The following TBC1D12 variants were observed in gnomAD, a reference collection of about 807,000 sequenced individuals.
TBC1D12 encodes the protein TBC1 domain family member 12.
TBC1D12 carries 56 observed loss-of-function variants against 86.7 expected under a neutral mutation model. The ratio of observed to expected loss-of-function variants is 0.65; its 90% confidence interval spans 0.52 to 0.81. The LOEUF (loss-of-function observed/expected upper bound fraction) is 0.81. Ranked by LOEUF, TBC1D12 falls within the 30% of genes least tolerant of loss-of-function variation. TBC1D12 has a pLI of 0.00. For synonymous variants in TBC1D12, 421 were observed against 411.7 expected (o/e 1.02, Z -0.27); for missense variants, 1,023 against 1,038.8 (o/e 0.98, Z 0.21).
chr10:94,525,608 C>T (rs868035760), intron 11 of TBC1D12, among the ~76,000 whole-genome samples: 1 of 138,332 alleles, frequency 7.2e-6, no homozygotes, highest in East Asian at 2.1e-4. Context: ...TGCAGTGAGC[C>T]GGGATCACGC....
At chr10:94,498,126 T>G (rs1030787924) in intron 5 of TBC1D12, among the ~76,000 whole-genome samples, 1 of 152,186 alleles carries the variant, frequency 6.6e-6, no homozygotes, top group African/African-American at 2.4e-5. Flanking sequence ...GCCTAGTTAC[T>G]GTATTTTCTT....
At chr10:94,487,846 G>T (rs2056190327) in intron 3 of TBC1D12, among the ~76,000 whole-genome samples, 1 of 149,934 alleles carries the variant, frequency 6.7e-6, no homozygotes, top group African/African-American at 2.5e-5. Context: ...ACAGGTGCAT[G>T]CCACCATACC....
rs531915902 is a variant in TBC1D12, at chr10:94,534,028, T to C, written c.*932T>C. ...ATTCTTCCACTGTTTAACTCCAGTT[T>C]GAAATTTGAAATCTAATATGTAGCT... On this transcript the variant is annotated 3_prime_UTR_variant, in exon 13 of 13. Transcript: ENST00000225235. 1 of 152,316 alleles carries C rather than the reference T, an allele frequency of 6.6e-6. No homozygotes were observed. The highest frequency in any genetic ancestry group is 1.9e-4 in the East Asian group (1 of 5,180). The allele number at this position is 152,316 out of a possible 1,614,324, so 9.4% of individuals were successfully genotyped here.
chr10:94,412,619 A>G (rs2054941805), intron 1 of TBC1D12, among the ~76,000 whole-genome samples: 1 of 152,220 alleles, frequency 6.6e-6, no homozygotes. Context: ...GTTTAAGTCC[A>G]TGAAATGTTT....
chr10:94,411,458 C>T (rs1403427791), intron 1 of TBC1D12, among the ~76,000 whole-genome samples: 1 of 152,176 alleles, frequency 6.6e-6, no homozygotes, highest in African/African-American at 2.4e-5. Context: ...TATAGTGGCT[C>T]ATGCCTGCAA....
At position 94,533,111 on chromosome 10, in the gene TBC1D12, A is replaced by G. The variant is rs778520687; in HGVS notation, c.*15A>G. ...TGAAAAGCTAGTCTTCAAAATTGACAGACTAACTGACATAGAAAAAGTGGT... is the reference window on the plus strand; with the variant it reads ...TGAAAAGCTAGTCTTCAAAATTGACGGACTAACTGACATAGAAAAAGTGGT... On this transcript the variant is annotated 3_prime_UTR_variant, in exon 13 of 13. Coordinates refer to ENST00000225235, the MANE Select transcript of TBC1D12 (RefSeq NM_015188.2). The G allele has an allele frequency of 3.9e-6, 6 of 1,542,024 alleles. No individual in the cohort carries two copies. In the Middle Eastern group the frequency reaches 8.5e-4, roughly 218 times the overall value.
intron 2 of TBC1D12, among the ~76,000 whole-genome samples, chr10:94,470,690 C>CTTTTTT (rs35586245): frequency 9.4e-6 from 1 of 105,822 alleles, no homozygotes; most frequent in African/African-American, 3.4e-5. Flanking sequence ...ATTTGTAATT[C>CTTTTTT]TTTTTTTTTT....
rs139919841 is a variant in TBC1D12, at chr10:94,519,679, A to G, written c.1762-2276A>G. 3.0e-3 allele frequency among the ~76,000 whole-genome samples: 457 copies of G among 152,286 alleles called. 3 individuals carry two copies. The highest frequency in any genetic ancestry group is 0.01 in the African/African-American group (431 of 41,566). ...TCCTCAGGAAGTTCTAGGGGAGAAT[A>G]CATTTCCTTGCTTTTTCCACCTTCT... On this transcript the variant is annotated intron_variant, in intron 9 of 12. Coordinates refer to ENST00000225235, the MANE Select transcript of TBC1D12 (RefSeq NM_015188.2).
chr10:94,498,762 TGTTTTTTGAGG>T (rs2056356268), intron 5 of TBC1D12, among the ~76,000 whole-genome samples: 1 of 151,688 alleles, frequency 6.6e-6, no homozygotes. Flanking sequence ...TACCGTGATG[TGTTTTTTGAGG>T]GTTTTTTTTT....
chr10:94,492,375 A>T (rs1416919807), intron 3 of TBC1D12, among the ~76,000 whole-genome samples: 1 of 152,212 alleles, frequency 6.6e-6, no homozygotes, highest in Non-Finnish European at 1.5e-5. Context: ...AAGCAGTTTG[A>T]CAGTTTATTG....
chr10:94,506,493 A>G (rs2056462161), intron 6 of TBC1D12, among the ~76,000 whole-genome samples: 1 of 152,190 alleles, frequency 6.6e-6, no homozygotes, highest in Non-Finnish European at 1.5e-5. Flanking sequence ...TCTGTCCCTG[A>G]AATGTCCTAT....
chr10:94,451,846 T>G (rs1037225928), intron 2 of TBC1D12, among the ~76,000 whole-genome samples: 28 of 151,988 alleles, frequency 1.8e-4, no homozygotes, highest in Non-Finnish European at 3.7e-4. Flanking sequence ...TGATGAATGT[T>G]TCTTGGGCAT....
intron 1 of TBC1D12, among the ~76,000 whole-genome samples, chr10:94,435,041 C>CT (rs1272888332): frequency 6.6e-6 from 1 of 152,164 alleles, no homozygotes; most frequent in Non-Finnish European, 1.5e-5. Flanking sequence ...GCTTTTGTTG[C>CT]TTTTCACGGA....
intron 5 of TBC1D12, among the ~76,000 whole-genome samples, chr10:94,497,477 C>T (rs2056336629): frequency 6.6e-6 from 1 of 151,318 alleles, no homozygotes; most frequent in Non-Finnish European, 1.5e-5. Context: ...TGTCTACCAC[C>T]TACTTCCCTT....
At chr10:94,511,084 A>G (rs1201480455) in intron 8 of TBC1D12, among the ~76,000 whole-genome samples, 1 of 142,664 alleles carries the variant, frequency 7.0e-6, no homozygotes, top group Non-Finnish European at 1.5e-5. Context: ...GTTATTTAGT[A>G]GTAAATATTT....
At chr10:94,425,496 C>A (rs1270846858) in intron 1 of TBC1D12, among the ~76,000 whole-genome samples, 1 of 152,126 alleles carries the variant, frequency 6.6e-6, no homozygotes, top group Non-Finnish European at 1.5e-5. Context: ...AATTAGCTGA[C>A]TTTCATTTGT....
chr10:94,444,957 C>T lies in TBC1D12; in HGVS notation c.1095+2938C>T, dbSNP rs1423473193. Among the ~76,000 whole-genome samples, 34 of 148,266 alleles carry T rather than the reference C, an allele frequency of 2.3e-4. No individual in the cohort carries two copies. In the East Asian group the frequency reaches 7.2e-3, roughly 31 times the overall value. ...CCGTGTTAGCCAGGATGGTCTCAAT[C>T]TCCTGACCTCGTGATCCGCCCGCCT... is the stretch of plus-strand genomic sequence containing the variant. On this transcript the variant is annotated intron_variant, in intron 2 of 12. Transcript: ENST00000225235.
At chr10:94,458,981 C>T (rs1388667966) in intron 2 of TBC1D12, among the ~76,000 whole-genome samples, 1 of 152,106 alleles carries the variant, frequency 6.6e-6, no homozygotes, top group Non-Finnish European at 1.5e-5. Context: ...TGGAAGGGGA[C>T]CCAAGCGGGT....
chr10:94,485,396 A>G (rs141372460), intron 3 of TBC1D12, among the ~76,000 whole-genome samples: 217 of 152,250 alleles, frequency 1.4e-3, no homozygotes, highest in Non-Finnish European at 2.8e-3. Context: ...ATTGATTTGC[A>G]TACATTGAAA....
Sources: gnomAD v4.1 joint callset for allele counts (sites outside exome capture counted in the v4.1 genomes callset) on GRCh38, gnomAD v4.1.1 for gene constraint, MANE v1.5 for transcripts, NCBI Gene and HGNC (gene_info 2026-07-23, HGNC 2026-07-21) for gene names.